Variants in AAK1 observed in about 807,000 individuals in gnomAD.
AAK1 encodes the protein AP2-associated protein kinase 1.
In AAK1, 37 loss-of-function variants were observed where a neutral mutation model predicts 116.0. That is an observed-to-expected ratio of 0.32 (90% CI 0.25 to 0.42). The LOEUF (loss-of-function observed/expected upper bound fraction) is 0.42. AAK1 is among the 10% of genes least tolerant of loss of function. The pLI, the probability that AAK1 is intolerant of heterozygous loss-of-function variation, is 1.00. For synonymous variants in AAK1, 458 were observed against 439.9 expected, an observed-to-expected ratio of 1.04 and a Z score of -0.51; for missense variants, 919 against 1,170.6, an observed-to-expected ratio of 0.79 and a Z score of 3.14.
rs1398199252 is a variant in AAK1 at position 69,467,261 on chromosome 2, A to T, written c.*8608T>A. 22 of 985,324 alleles carry T rather than the reference A, an allele frequency of 2.2e-5. No individual in the cohort carries two copies. Among genetic ancestry groups the T allele is most frequent in the Non-Finnish European group, 2.7e-5 (22 of 829,940 alleles). 61.0% of individuals were successfully genotyped at this position (985,324 alleles called of 1,614,324 possible). ...CCTCTGCTTAAATGAATCTGCCATA[A>T]AGTTCTTTAAGCAGAAGGAGTAAAA... On this transcript the variant is annotated 3_prime_UTR_variant, in exon 22 of 22. Transcript: ENST00000409085.
rs1674738663 is a variant in AAK1 at position 69,473,228 on chromosome 2, C to T, written c.*2641G>A. On this transcript the variant is annotated 3_prime_UTR_variant, in exon 22 of 22. Coordinates refer to ENST00000409085, the MANE Select transcript of AAK1 (RefSeq NM_014911.5). ...TGTCCTGCCCAGGCCTCTTCTCCCC[C>T]GACCCTGTTCAATCCAGCTCAGGTC... 1.3e-5 allele frequency: 12 copies of T among 911,002 alleles called. No individual in the cohort carries two copies. Among genetic ancestry groups the T allele is most frequent in the South Asian group, 5.1e-5 (1 of 19,700 alleles). The allele number at this position is 911,002 out of a possible 1,614,324, so 56.4% of individuals were successfully genotyped here.
At chr2:69,519,479 T>A (rs1410979056) in intron 11 of AAK1, among the ~76,000 whole-genome samples, 2 of 152,246 alleles carry the variant, frequency 1.3e-5, no homozygotes, top group Non-Finnish European at 1.5e-5. Flanking sequence ...TAAGAAAGTC[T>A]TCCCTTATTA....
Position 69,520,944 on chromosome 2 carries a change from C to T in AAK1, c.1100G>A (p.Arg367His). 1.9e-6 allele frequency: 3 copies of T among 1,612,976 alleles called. No individual in the cohort carries two copies. Among genetic ancestry groups the T allele is most frequent in the Non-Finnish European group, 2.5e-6 (3 of 1,179,468 alleles). The change falls in exon 11 of 22, where the codon CGC becomes CAC. Residue 367 changes from arginine (R) to histidine (H), a missense_variant. By Grantham distance (29) the Arg-to-His change is conservative. This residue lies in a region of AAK1 where 317 missense variants were observed against 490.4 expected (regional missense o/e 0.65). Coordinates refer to ENST00000409085, the MANE Select transcript of AAK1 (RefSeq NM_014911.5). ...AGTCTGCCCAGCTTTAGGCCTCTGG[C>T]GGGGTGCAATTGAAGTCTCTGTGGT... The part of the protein sequence containing the change: ...IPTTETSIAP[R>H]QRPKAGQTQP...
At chr2:69,507,377 G>C (rs1558919254) in intron 15 of AAK1, 44 bp downstream of exon 15, 4 of 1,591,904 alleles carry the variant, frequency 2.5e-6, no homozygotes, top group Non-Finnish European at 3.4e-6. Flanking sequence ...TTAGCACAGA[G>C]AATCTATAAT....
rs1674809972 is a variant in AAK1, at chr2:69,475,232, T to C, written c.*637A>G. 8 of 985,892 alleles carry C rather than the reference T, an allele frequency of 8.1e-6. No individual in the cohort carries two copies. The highest frequency in any genetic ancestry group is 9.6e-6 in the Non-Finnish European group (8 of 829,974). 61.1% of individuals were successfully genotyped at this position (985,892 alleles called of 1,614,324 possible). On this transcript the variant is annotated 3_prime_UTR_variant, in exon 22 of 22. Transcript: ENST00000409085. ...CAGGTTGCATGGGGTGTAAAATCCC[T>C]TGGCTAAGTCTATGATCAAACAAGG... is the stretch of plus-strand genomic sequence containing the variant.
At chr2:69,610,285 G>A (rs1674021444) in intron 2 of AAK1, among the ~76,000 whole-genome samples, 1 of 152,062 alleles carries the variant, frequency 6.6e-6, no homozygotes, top group Non-Finnish European at 1.5e-5. Context: ...AAATGGAACT[G>A]GGAAAACTGG....
chr2:69,612,054 A>G lies in AAK1; in HGVS notation c.163+30824T>C, dbSNP rs548833065. 8.5e-5 allele frequency among the ~76,000 whole-genome samples: 13 copies of G among 152,354 alleles called. No homozygotes were observed. In the East Asian group the frequency reaches 2.3e-3, roughly 27 times the overall value. On this transcript the variant is annotated intron_variant, in intron 2 of 21. Coordinates refer to ENST00000409085, the MANE Select transcript of AAK1 (RefSeq NM_014911.5). ...CATAGACTTTCAGTTGGGACGATGA[A>G]AAAGTTCTGGAGATGGATGGTGGTC...
At chr2:69,491,240 C>A (rs1191735458) in intron 17 of AAK1, among the ~76,000 whole-genome samples, 5 of 152,096 alleles carry the variant, frequency 3.3e-5, no homozygotes, top group African/African-American at 9.7e-5. Context: ...CCTGGCCCAG[C>A]CTCTTTTCTA....
chr2:69,529,409 T>A (rs1670152294), intron 8 of AAK1, among the ~76,000 whole-genome samples: 1 of 152,200 alleles, frequency 6.6e-6, no homozygotes, highest in Non-Finnish European at 1.5e-5. Context: ...TCTTTTTTTT[T>A]TCTTTAAAGA....
At chr2:69,594,778 C>T (rs1249340216) in intron 2 of AAK1, 8 of 1,046,858 alleles carry the variant, frequency 7.6e-6, no homozygotes, top group Non-Finnish European at 1.0e-5. Flanking sequence ...CTTCTTACCT[C>T]CTCCCAGTTC....
chr2:69,524,438 T>C (rs1342048271), intron 10 of AAK1, among the ~76,000 whole-genome samples: 1 of 151,610 alleles, frequency 6.6e-6, no homozygotes, highest in Non-Finnish European at 1.5e-5. Flanking sequence ...TTTTGTTTTG[T>C]TTTGTTTTGT....
At chr2:69,558,339 CAAA>C (rs35878234) in intron 2 of AAK1, among the ~76,000 whole-genome samples, 4 of 133,678 alleles carry the variant, frequency 3.0e-5, no homozygotes, top group Non-Finnish European at 3.3e-5. Context: ...GACCCTGTCT[CAAA>C]AAAAAAAAAA....
rs1345983321 is a variant in AAK1 at position 69,458,868 on chromosome 2, A to G, written c.*17001T>C. ...ATTTTAACTGGTATTGGTAAAAACT[A>G]TTTTTGCAATTCCTTGCCGAAAGGA... On this transcript the variant is annotated 3_prime_UTR_variant, in exon 22 of 22. Coordinates refer to ENST00000409085, the MANE Select transcript of AAK1 (RefSeq NM_014911.5). The G allele has an allele frequency of 1.3e-5, 2 of 152,590 alleles. No individual in the cohort carries two copies. Among genetic ancestry groups the G allele is most frequent in the African/African-American group, 4.8e-5 (2 of 41,442 alleles). The allele number at this position is 152,590 out of a possible 1,614,324, so 9.5% of individuals were successfully genotyped here.
chr2:69,598,660 C>T (rs1434851580), intron 2 of AAK1, among the ~76,000 whole-genome samples: 1 of 152,020 alleles, frequency 6.6e-6, no homozygotes, highest in Non-Finnish European at 1.5e-5. Flanking sequence ...GCTGGGACTA[C>T]AGGTGCACAA....
At chr2:69,485,277 C>G (rs1675249729) in intron 17 of AAK1, among the ~76,000 whole-genome samples, 1 of 152,218 alleles carries the variant, frequency 6.6e-6, no homozygotes, top group South Asian at 2.1e-4. Context: ...AGCAGTTTAT[C>G]TTGGTGCAAA....
rs779154407 is a variant in AAK1, at chr2:69,479,069, C to A, written c.2570-8G>T. The A allele has an allele frequency of 6.3e-7, 1 of 1,575,544 alleles. No individual in the cohort carries two copies. Among genetic ancestry groups the A allele is most frequent in the East Asian group, 2.2e-5 (1 of 44,688 alleles). On this transcript the variant is annotated splice_polypyrimidine_tract_variant and splice_region_variant and intron_variant, in intron 19 of 21. Transcript: ENST00000409085. ...CTTCCCCGGTGAGAGAATCTGAGTC[C>A]AGATTAACAGCATCCCAGGTCAGTG...
Position 69,474,308 on chromosome 2 carries a change from G to A in AAK1, c.*1561C>T, listed in dbSNP as rs1028004283. On this transcript the variant is annotated 3_prime_UTR_variant, in exon 22 of 22. Transcript: ENST00000409085. ...ATTAACTAAGAGTTTCCCTTTTGAT[G>A]ATGGACAATGGCACTAGAGGAAAAG... is the stretch of plus-strand genomic sequence containing the variant. The A allele has an allele frequency of 1.0e-6, 1 of 985,702 alleles. No individual in the cohort carries two copies. The highest frequency in any genetic ancestry group is 1.7e-5 in the African/African-American group (1 of 57,228). The allele number at this position is 985,702 out of a possible 1,614,324, so 61.1% of individuals were successfully genotyped here.
chr2:69,591,645 A>G (rs1379116700), intron 2 of AAK1, among the ~76,000 whole-genome samples: 1 of 149,020 alleles, frequency 6.7e-6, no homozygotes, highest in African/African-American at 2.5e-5. Context: ...ATCTCGGCTC[A>G]CTACAACCTC....
At chr2:69,569,999 C>T (rs1163989542) in intron 2 of AAK1, among the ~76,000 whole-genome samples, 1 of 152,074 alleles carries the variant, frequency 6.6e-6, no homozygotes, top group African/African-American at 2.4e-5. Flanking sequence ...AGTAGAAGTG[C>T]TGGGTCACTG....
Sources: allele counts gnomAD v4.1 joint callset (sites outside exome capture counted in the v4.1 genomes callset), GRCh38; gene constraint gnomAD v4.1.1; regional missense constraint gnomAD v4.1.1; transcripts MANE v1.5; gene names NCBI Gene and HGNC (gene_info 2026-07-23, HGNC 2026-07-21).